The following MTCL1 variants were observed in gnomAD, a reference collection of about 807,000 sequenced individuals.
The protein encoded by MTCL1 is microtubule cross-linking factor 1.
In MTCL1, 79 loss-of-function variants were observed where a neutral mutation model predicts 141.4. The observed-to-expected ratio is 0.56, with a 90% CI of 0.47 to 0.67. The LOEUF (loss-of-function observed/expected upper bound fraction) is 0.67. Ranked by LOEUF, MTCL1 falls within the 30% of genes least tolerant of loss-of-function variation. The pLI is 0.00. For missense variants in MTCL1, 2,177 were observed against 2,113.9 expected (o/e 1.03, Z -0.59); for synonymous variants, 914 against 875.8 (o/e 1.04, Z -0.77).
At chr18:8,832,328 AT>A (rs960742259) in exon 17 of MTCL1, 4 of 161,176 alleles carry the variant, frequency 2.5e-5, no homozygotes, top group African/African-American at 9.6e-5. Context: ...TGAAAAAGCC[AT>A]GAAGCCAGTA....
At chr18:8,729,470 C>T (rs979726876) in intron 4 of MTCL1, among the ~76,000 whole-genome samples, 11 of 151,720 alleles carry the variant, frequency 7.3e-5, no homozygotes, top group Admixed American at 2.6e-4. Context: ...GTGGTATACT[C>T]GTGATGTACT....
intron 4 of MTCL1, among the ~76,000 whole-genome samples, chr18:8,744,228 G>A (rs1203889107): frequency 6.6e-6 from 1 of 152,236 alleles, no homozygotes; most frequent in African/African-American, 2.4e-5. Context: ...AGGTGCATGC[G>A]GTTAGCTGCC....
chr18:8,796,349 G>A (rs774105699), exon 9 of MTCL1: 1 of 1,614,054 alleles, frequency 6.2e-7, no homozygotes, highest in East Asian at 2.2e-5. Context: ...GATGCAGCAG[G>A]AGCTCCGGTC....
chr18:8,726,471 AG>A (rs1177583586), intron 4 of MTCL1, among the ~76,000 whole-genome samples: 1 of 105,704 alleles, frequency 9.5e-6, no homozygotes, highest in Admixed American at 1.1e-4. Flanking sequence ...TGAGAATAAG[AG>A]GAGAGAGAGA....
chr18:8,781,375 G>A (rs1284451163), intron 5 of MTCL1, among the ~76,000 whole-genome samples: 1 of 152,052 alleles, frequency 6.6e-6, no homozygotes, highest in Non-Finnish European at 1.5e-5. Context: ...GAGTAGGGCA[G>A]ACAGCCTTAC....
exon 15 of MTCL1, chr18:8,824,837 C>T (rs151273618): frequency 3.2e-5 from 51 of 1,614,106 alleles, no homozygotes; most frequent in Non-Finnish European, 4.0e-5. Context: ...TCAAGTACAT[C>T]GAGGAGTTCA....
intron 10 of MTCL1, among the ~76,000 whole-genome samples, chr18:8,804,101 G>A (rs916585059): frequency 3.3e-5 from 5 of 152,118 alleles, no homozygotes; most frequent in African/African-American, 1.2e-4. Flanking sequence ...AAAAAGCAGT[G>A]ATTTTTAATT....
intron 12 of MTCL1, among the ~76,000 whole-genome samples, chr18:8,818,214 G>A (rs931103084): frequency 6.6e-6 from 1 of 152,206 alleles, no homozygotes; most frequent in African/African-American, 2.4e-5. Flanking sequence ...GCACCTGCCT[G>A]CAAACCAGCA....
At chr18:8,785,581 T>G in intron 6 of MTCL1, 1 of 250,000 alleles carries the variant, frequency 4.0e-6, no homozygotes. Flanking sequence ...CGTTTTCCGT[T>G]TCCTTCACGG....
chr18:8,821,573 C>T, intron 14 of MTCL1, 75 bp downstream of exon 13: 1 of 793,414 alleles, frequency 1.3e-6, no homozygotes, highest in Non-Finnish European at 2.0e-6. Context: ...TTTGTCAATG[C>T]AGTCTATTTT....
intron 10 of MTCL1, among the ~76,000 whole-genome samples, chr18:8,806,573 C>G (rs529142784): frequency 6.6e-6 from 1 of 152,244 alleles, no homozygotes; most frequent in South Asian, 2.1e-4. Flanking sequence ...GGGCCCACAG[C>G]ACCTCTGTGG....
At chr18:8,720,060 G>A (rs534587488) in intron 3 of MTCL1, 101 of 315,426 alleles carry the variant, frequency 3.2e-4, no homozygotes, top group African/African-American at 2.0e-3. Context: ...TTAGCAGTTT[G>A]GGGGGGTTGG....
intron 4 of MTCL1, among the ~76,000 whole-genome samples, chr18:8,767,927 A>G (rs1220473604): frequency 6.6e-6 from 1 of 152,222 alleles, no homozygotes; most frequent in Non-Finnish European, 1.5e-5. Context: ...TTGAGATGAT[A>G]TTAAGTATAT....
At chr18:8,819,404 C>A in intron 13 of MTCL1, 145 bp downstream of exon 12, 1 of 789,772 alleles carries the variant, frequency 1.3e-6, no homozygotes, top group Non-Finnish European at 2.0e-6. Context: ...AAAATGAAAT[C>A]TTCACAACAC....
rs774197203 is a variant in MTCL1 at position 8,796,220 on chromosome 18, A to T, written c.2011-12A>T. 2.5e-6 allele frequency: 4 copies of T among 1,612,864 alleles called. No homozygotes were observed. The highest frequency in any genetic ancestry group is 1.1e-5 in the South Asian group (1 of 91,046). On this transcript the variant is annotated splice_polypyrimidine_tract_variant and intron_variant, in intron 8 of 16. Transcript: ENST00000359865. ...AGCTGCTTGTCACACTGTCTCTCTTATTCCATTCAAGATGGAGGAGGAGCA... is the reference window on the plus strand; with the variant it reads ...AGCTGCTTGTCACACTGTCTCTCTTTTTCCATTCAAGATGGAGGAGGAGCA...
intron 4 of MTCL1, among the ~76,000 whole-genome samples, chr18:8,750,482 A>T (rs528090138): frequency 6.6e-6 from 1 of 152,292 alleles, no homozygotes; most frequent in Non-Finnish European, 1.5e-5. Flanking sequence ...CACCATGCAG[A>T]AAAGGCTGGG....
At chr18:8,798,210 G>A (rs200863586) in exon 10 of MTCL1, 261 of 1,599,980 alleles carry the variant, frequency 1.6e-4, no homozygotes, top group Middle Eastern at 8.3e-4. Flanking sequence ...CAGTGGGGGA[G>A]CACTCCCCAC....
rs754854548 is a variant in MTCL1 at position 8,756,455 on chromosome 18, GTATA to G, written c.358-21374_358-21371del. 2.3e-3 allele frequency among the ~76,000 whole-genome samples: 326 copies of G among 143,188 alleles called. 1 individual carries two copies. The highest frequency in any genetic ancestry group is 2.7e-3 in the Non-Finnish European group (186 of 67,714). 93.9% of individuals were successfully genotyped at this position (143,188 alleles called of 152,430 possible). A position where few individuals can be genotyped will look rare whatever the true frequency, so the allele number is the denominator to read the frequency against. ...TATATGTATATATGTGTATATATGT[GTATA>G]TATGTGTATATGTGTGTATATGTGT... On this transcript the variant is annotated intron_variant, in intron 4 of 16. Coordinates refer to ENST00000359865, the Ensembl canonical transcript of MTCL1.
At chr18:8,824,752 C>T in exon 15 of MTCL1, 2 of 1,614,128 alleles carry the variant, frequency 1.2e-6, no homozygotes, top group Non-Finnish European at 1.7e-6. Flanking sequence ...GACATCTCCC[C>T]CTTCCTGCCT....
Sources: gnomAD v4.1 joint callset for allele counts (sites outside exome capture counted in the v4.1 genomes callset) on GRCh38, gnomAD v4.1.1 for gene constraint, MANE v1.5 for transcripts, NCBI Gene and HGNC (gene_info 2026-07-23, HGNC 2026-07-21) for gene names.